The following MAML3 variants were observed in gnomAD, a reference collection of about 807,000 sequenced individuals.
MAML3 encodes the protein mastermind-like protein 3.
In MAML3, 27 loss-of-function variants were observed where a neutral mutation model predicts 101.9. The ratio of observed to expected loss-of-function variants is 0.27; its 90% CI spans 0.20 to 0.37. MAML3 has a LOEUF of 0.37. Among genes scored for constraint, MAML3 ranks in the 10% least tolerant of loss-of-function variants. The pLI is 1.00. For missense variants in MAML3, 1,316 were observed against 1,444.9 expected, an observed-to-expected ratio of 0.91 and a Z score of 1.45; for synonymous variants, 501 against 555.9, an observed-to-expected ratio of 0.90 and a Z score of 1.39.
At chr4:139,811,985 A>C (rs1432151928) in intron 2 of MAML3, among the ~76,000 whole-genome samples, 1 of 152,212 alleles carries the variant, frequency 6.6e-6, no homozygotes, top group East Asian at 1.9e-4. Flanking sequence ...AAGAGGTGCC[A>C]GGCATGGTGG....
intron 2 of MAML3, among the ~76,000 whole-genome samples, chr4:139,760,043 A>G (rs1291469934): frequency 6.6e-6 from 1 of 152,250 alleles, no homozygotes; most frequent in East Asian, 1.9e-4. Context: ...TCTCATGACA[A>G]CTTTTGGACA....
chr4:139,977,653 AC>A (rs1734367672), intron 1 of MAML3, among the ~76,000 whole-genome samples: 1 of 152,080 alleles, frequency 6.6e-6, no homozygotes, highest in Non-Finnish European at 1.5e-5. Context: ...CGGTTGGATC[AC>A]CTGAGGTCAT....
chr4:140,040,473 T>C (rs1727063765), intron 1 of MAML3, among the ~76,000 whole-genome samples: 1 of 152,016 alleles, frequency 6.6e-6, no homozygotes, highest in Non-Finnish European at 1.5e-5. Flanking sequence ...GTAATGCAAC[T>C]CTCCCTCTCC....
chr4:140,070,440 T>G (rs184885026), intron 1 of MAML3, among the ~76,000 whole-genome samples: 24 of 152,270 alleles, frequency 1.6e-4, no homozygotes, highest in Admixed American at 1.1e-3. Context: ...CTTTTTCAGT[T>G]CACTGATGAA....
At chr4:139,939,681 C>T (rs929020492) in intron 1 of MAML3, among the ~76,000 whole-genome samples, 8 of 152,004 alleles carry the variant, frequency 5.3e-5, no homozygotes, top group East Asian at 1.9e-4. Context: ...CTATACATTC[C>T]GTGAGGGCCG....
chr4:140,071,789 A>AGAGAGAGAGAGAGAGAC, intron 1 of MAML3, among the ~76,000 whole-genome samples: 1 of 90,438 alleles, frequency 1.1e-5, no homozygotes, highest in Admixed American at 1.4e-4. Context: ...GAGAGAGAGA[A>AGAGAGAGAGAGAGAGAC]GGCACGCATC....
chr4:139,864,923 C>CTTGTTTTTTTTTTTTTTTTTTTTTTTTTT lies in MAML3; in HGVS notation c.2079+24433_2079+24434insAAAAAAAAAAAAAAAAAAAAAAAAAACAA, dbSNP rs56928318. Among the ~76,000 whole-genome samples, 6 of 62,456 alleles carry CTTGTTTTTTTTTTTTTTTTTTTTTTTTTT rather than the reference C, an allele frequency of 9.6e-5. 3 individuals are homozygous for CTTGTTTTTTTTTTTTTTTTTTTTTTTTTT. Among genetic ancestry groups the CTTGTTTTTTTTTTTTTTTTTTTTTTTTTT allele is most frequent in the African/African-American group, 1.2e-4 (2 of 17,052 alleles). The allele number at this position is 62,456 out of a possible 152,430, so 41.0% of individuals were successfully genotyped here. On this transcript the variant is annotated intron_variant, in intron 2 of 4. Coordinates refer to ENST00000509479, the MANE Select transcript of MAML3 (RefSeq NM_018717.5). The stretch of plus-strand genomic sequence containing the variant: ...TTAGGAAAATAGTAATGCAAACTTG[C>CTTGTTTTTTTTTTTTTTTTTTTTTTTTTT]TTTTTTTTTTTTTTTTTTTTTTTTT...
chr4:139,723,939 C>T (rs1728364236), intron 4 of MAML3, among the ~76,000 whole-genome samples: 1 of 152,218 alleles, frequency 6.6e-6, no homozygotes, highest in Admixed American at 6.5e-5. Context: ...ACAAGCTCCG[C>T]TGGTGCTTTC....
At chr4:140,133,926 T>C (rs1426574453) in intron 1 of MAML3, 3 of 349,574 alleles carry the variant, frequency 8.6e-6, no homozygotes, top group Middle Eastern at 4.3e-4. Context: ...ATCTATTTGA[T>C]TTTTTACCCA....
chr4:139,804,439 G>A (rs1730669597), intron 2 of MAML3, among the ~76,000 whole-genome samples: 1 of 151,992 alleles, frequency 6.6e-6, no homozygotes, highest in Admixed American at 6.6e-5. Context: ...GCTAATTTTT[G>A]TATTTTCAGT....
intron 1 of MAML3, among the ~76,000 whole-genome samples, chr4:139,894,876 C>T (rs183138102): frequency 7.9e-4 from 120 of 152,322 alleles, no homozygotes; most frequent in African/African-American, 2.8e-3. Context: ...GATCAAATAT[C>T]ACAGCTTTAG....
At chr4:140,113,387 AG>A (rs1183872831) in intron 1 of MAML3, among the ~76,000 whole-genome samples, 1 of 152,232 alleles carries the variant, frequency 6.6e-6, no homozygotes, top group Non-Finnish European at 1.5e-5. Flanking sequence ...GTGCAAGGGA[AG>A]GAACTTGAGG....
intron 1 of MAML3, among the ~76,000 whole-genome samples, chr4:140,067,200 G>GTT (rs1727553390): frequency 6.7e-6 from 1 of 149,758 alleles, no homozygotes; most frequent in Non-Finnish European, 1.5e-5. Flanking sequence ...AAATTTTAGG[G>GTT]GTGTGTGTGT....
intron 1 of MAML3, among the ~76,000 whole-genome samples, chr4:140,012,295 T>C (rs1726575683): frequency 6.6e-6 from 1 of 152,262 alleles, no homozygotes; most frequent in Admixed American, 6.5e-5. Context: ...TTATATTTTA[T>C]GTGTCAGAGG....
Position 140,135,314 on chromosome 4 carries a change from A to G in MAML3, c.468+17546T>C, listed in dbSNP as rs551388580. On this transcript the variant is annotated intron_variant, in intron 1 of 4. Coordinates refer to ENST00000509479, the MANE Select transcript of MAML3 (RefSeq NM_018717.5). ...GCTGATTTTAGCTATTTAAGCCTTA[A>G]GAATAAAGATGTCATGTGCAAAGTG... Among the ~76,000 whole-genome samples the G allele has an allele frequency of 2.0e-3, 306 of 152,352 alleles. 3 individuals carry two copies. Among genetic ancestry groups the G allele is most frequent in the Non-Finnish European group, 4.0e-4 (27 of 68,030 alleles).
chr4:139,797,878 G>C (rs932088845), intron 2 of MAML3, among the ~76,000 whole-genome samples: 9 of 151,998 alleles, frequency 5.9e-5, no homozygotes, highest in African/African-American at 2.2e-4. Context: ...TCTGATAACA[G>C]TGATAATGGC....
At chr4:139,918,368 C>T (rs114106993) in intron 1 of MAML3, among the ~76,000 whole-genome samples, 2,162 of 152,250 alleles carry the variant, frequency 0.014, 28 homozygotes, top group Non-Finnish European at 0.02. Flanking sequence ...CTGGCCTCTC[C>T]GAGGGCTCTT....
chr4:139,950,442 C>T (rs1338292056), intron 1 of MAML3, among the ~76,000 whole-genome samples: 2 of 152,142 alleles, frequency 1.3e-5, no homozygotes, highest in Non-Finnish European at 2.9e-5. Flanking sequence ...AAAATGAATT[C>T]TCTCTTTATC....
chr4:140,015,567 C>T (rs748236462), intron 1 of MAML3, among the ~76,000 whole-genome samples: 13 of 152,280 alleles, frequency 8.5e-5, no homozygotes, highest in East Asian at 1.9e-4. Flanking sequence ...CCTGATACCA[C>T]GAACAAAGCA....
Sources: allele counts gnomAD v4.1 joint callset (sites outside exome capture counted in the v4.1 genomes callset), GRCh38; gene constraint gnomAD v4.1.1; transcripts MANE v1.5; gene names NCBI Gene and HGNC (gene_info 2026-07-23, HGNC 2026-07-21).